ABLIM1: variants seen among roughly 807,000 people sequenced by gnomAD.
The protein encoded by ABLIM1 is actin-binding LIM protein 1.
ABLIM1 carries 40 observed loss-of-function variants against 107.0 expected under a neutral mutation model. The observed-to-expected ratio is 0.37, with a 90% CI of 0.29 to 0.49. The LOEUF (loss-of-function observed/expected upper bound fraction) is 0.49. Ranked by LOEUF, ABLIM1 falls within the 20% of genes least tolerant of loss-of-function variation. The pLI is 0.97. For missense variants in ABLIM1, 857 were observed against 1,008.5 expected (o/e 0.85, Z 2.04); for synonymous variants, 357 against 357.3 (o/e 1.00, Z 0.01).
At chr10:114,726,788 C>A (rs1483858756) in intron 1 of ABLIM1, among the ~76,000 whole-genome samples, 1 of 151,942 alleles carries the variant, frequency 6.6e-6, no homozygotes, top group Non-Finnish European at 1.5e-5. Context: ...CTCAAAAAAA[C>A]ACACAAAAAA....
chr10:114,533,988 T>C (rs556054117), intron 6 of ABLIM1, among the ~76,000 whole-genome samples: 63 of 152,296 alleles, frequency 4.1e-4, no homozygotes, highest in African/African-American at 1.5e-3. Flanking sequence ...CTGGATTACC[T>C]TGTGCACTGA....
intron 1 of ABLIM1, among the ~76,000 whole-genome samples, chr10:114,647,259 A>G (rs966687608): frequency 6.2e-5 from 9 of 145,670 alleles, no homozygotes; most frequent in African/African-American, 2.5e-4. Context: ...TCGGCCTCCC[A>G]AAGTACTGAG....
At chr10:114,645,199 G>A (rs542822841) in intron 1 of ABLIM1, among the ~76,000 whole-genome samples, 12 of 152,144 alleles carry the variant, frequency 7.9e-5, no homozygotes, top group East Asian at 3.9e-4. Flanking sequence ...ATCAAAATGC[G>A]TGAGTTAATG....
At chr10:114,535,223 C>G (rs1024663922) in intron 6 of ABLIM1, among the ~76,000 whole-genome samples, 9 of 152,210 alleles carry the variant, frequency 5.9e-5, no homozygotes, top group African/African-American at 2.2e-4. Context: ...ACTCTACAAT[C>G]AAGGCCATGT....
chr10:114,536,234 T>C (rs2065999239), intron 6 of ABLIM1, among the ~76,000 whole-genome samples: 1 of 7,676 alleles, frequency 1.3e-4, no homozygotes, highest in African/African-American at 2.3e-4. Context: ...TTTGTTTTTT[T>C]TTTTTTTTTT....
At chr10:114,754,300 CCAGCAAA>C (rs1566306419) in intron 1 of ABLIM1, among the ~76,000 whole-genome samples, 1 of 152,196 alleles carries the variant, frequency 6.6e-6, no homozygotes, top group Non-Finnish European at 1.5e-5. Context: ...TCTTTCTACT[CCAGCAAA>C]CCGTGAATTT....
intron 1 of ABLIM1, among the ~76,000 whole-genome samples, chr10:114,603,693 C>T (rs1452279831): frequency 6.6e-6 from 1 of 151,292 alleles, no homozygotes; most frequent in Non-Finnish European, 1.5e-5. Flanking sequence ...GTGGCTCACA[C>T]CTGTAATCCC....
At chr10:114,623,868 G>C (rs2077623460) in intron 1 of ABLIM1, among the ~76,000 whole-genome samples, 1 of 152,220 alleles carries the variant, frequency 6.6e-6, no homozygotes, top group African/African-American at 2.4e-5. Context: ...CAGCCTGTTT[G>C]ATTGCAACAG....
intron 1 of ABLIM1, among the ~76,000 whole-genome samples, chr10:114,607,718 A>G (rs545388243): frequency 6.6e-6 from 1 of 152,346 alleles, no homozygotes; most frequent in East Asian, 1.9e-4. Flanking sequence ...GACATTCTAC[A>G]AAACAAAAAC....
At chr10:114,523,113 T>C (rs1317809635) in intron 6 of ABLIM1, among the ~76,000 whole-genome samples, 2 of 152,102 alleles carry the variant, frequency 1.3e-5, no homozygotes, top group Non-Finnish European at 2.9e-5. Flanking sequence ...ATTGCACCAC[T>C]GCACTCCAGC....
At chr10:114,518,567 T>C (rs764616351) in intron 6 of ABLIM1, among the ~76,000 whole-genome samples, 1 of 151,990 alleles carries the variant, frequency 6.6e-6, no homozygotes, top group Non-Finnish European at 1.5e-5. Context: ...GATACCAAGA[T>C]TGGCAGCCCA....
intron 1 of ABLIM1, among the ~76,000 whole-genome samples, chr10:114,711,215 AT>A (rs1208402406): frequency 6.6e-6 from 1 of 152,208 alleles, no homozygotes; most frequent in South Asian, 2.1e-4. Context: ...CCAGGCTCCC[AT>A]TAGAAATTGT....
At chr10:114,590,655 A>T (rs1537491) in intron 2 of ABLIM1, among the ~76,000 whole-genome samples, 202 of 152,044 alleles carry the variant, frequency 1.3e-3, no homozygotes, top group Admixed American at 3.9e-3. Context: ...TGCTGAGGTA[A>T]GTTGTAAATA....
rs955124107 is a variant in ABLIM1 at position 114,658,044 on chromosome 10, T to G, written c.157A>C (p.Arg53=). 1.4e-5 allele frequency: 23 copies of G among 1,614,190 alleles called. No homozygotes were observed. Among genetic ancestry groups the G allele is most frequent in the Non-Finnish European group, 1.9e-5 (23 of 1,180,018 alleles). The change falls in exon 1 of 23, where the codon AGG becomes CGG. Residue 53 remains arginine, a synonymous_variant. Transcript: ENST00000533213. ...RVSGTSFTAH[R]RATITHLLYL... ...AGCAAATGAGTGATAGTGGCACGCCTATGAGCGGTGAAGGAGGTCCCAGAG... is the reference window on the plus strand; with the variant it reads ...AGCAAATGAGTGATAGTGGCACGCCGATGAGCGGTGAAGGAGGTCCCAGAG...
chr10:114,690,281 C>T, intron 1 of ABLIM1: 2 of 1,559,894 alleles, frequency 1.3e-6, no homozygotes, highest in Admixed American at 1.7e-5. Context: ...CATCCAACCA[C>T]TCACTCTTGG....
At chr10:114,797,047 A>G in the ABLIM1 span, among the ~76,000 whole-genome samples, 3 of 152,192 alleles carry the variant, frequency 2.0e-5, no homozygotes, top group African/African-American at 7.2e-5. Context: ...AAACTGTCCA[A>G]CTTCATAAAC....
At chr10:114,559,438 C>CAAAAAAAAAAAAAAAAAAAAAAAAA (rs72456292) in intron 4 of ABLIM1, among the ~76,000 whole-genome samples, 4 of 49,356 alleles carry the variant, frequency 8.1e-5, no homozygotes, top group Non-Finnish European at 1.1e-4. Context: ...ACTCGTCTCT[C>CAAAAAAAAAAAAAAAAAAAAAAAAA]AAAAAAAAAA....
intron 8 of ABLIM1, among the ~76,000 whole-genome samples, chr10:114,483,504 T>C (rs986565160): frequency 4.6e-5 from 7 of 152,182 alleles, no homozygotes; most frequent in Admixed American, 1.3e-4. Context: ...CTCAAACTCC[T>C]GGGCTCTAGT....
chr10:114,681,598 C>T (rs1342401845), intron 1 of ABLIM1, among the ~76,000 whole-genome samples: 1 of 152,224 alleles, frequency 6.6e-6, no homozygotes, highest in Non-Finnish European at 1.5e-5. Flanking sequence ...ACTACATCCC[C>T]TTCTAACTCT....
Sources: gnomAD v4.1 joint callset for allele counts (sites outside exome capture counted in the v4.1 genomes callset) on GRCh38, gnomAD v4.1.1 for gene constraint, MANE v1.5 for transcripts, NCBI Gene and HGNC (gene_info 2026-07-23, HGNC 2026-07-21) for gene names.